TAF3: variants seen among roughly 807,000 people sequenced by gnomAD.
TAF3 encodes the protein transcription initiation factor TFIID subunit 3.
In TAF3, 7 loss-of-function variants were observed where a neutral mutation model predicts 80.6. That is an observed-to-expected ratio of 0.09 (90% CI 0.05 to 0.16). TAF3 has a LOEUF of 0.16. Among genes scored for constraint, TAF3 ranks in the 10% least tolerant of loss-of-function variants. The pLI is 1.00. For synonymous variants in TAF3, 444 were observed against 446.1 expected, an observed-to-expected ratio of 1.00 and a Z score of 0.06; for missense variants, 921 against 1,140.2, an observed-to-expected ratio of 0.81 and a Z score of 2.77.
intron 2 of TAF3, among the ~76,000 whole-genome samples, chr10:7,919,301 C>T (rs1837741321): frequency 1.3e-5 from 2 of 152,164 alleles, no homozygotes; most frequent in Admixed American, 1.3e-4. Flanking sequence ...GGGGCTTGGT[C>T]TCTTAAGCAG....
At chr10:7,880,840 G>C (rs1278366874) in intron 2 of TAF3, among the ~76,000 whole-genome samples, 2 of 152,072 alleles carry the variant, frequency 1.3e-5, no homozygotes, top group African/African-American at 4.8e-5. Flanking sequence ...ATATTTAAAC[G>C]ATATACCTAC....
chr10:7,847,799 G>C (rs545439206), intron 2 of TAF3, among the ~76,000 whole-genome samples: 1 of 151,866 alleles, frequency 6.6e-6, no homozygotes, highest in Non-Finnish European at 1.5e-5. Context: ...CAAGAGTTTC[G>C]CTCTGTCTTC....
At chr10:7,979,384 A>G (rs140644736) in intron 4 of TAF3, among the ~76,000 whole-genome samples, 40 of 150,248 alleles carry the variant, frequency 2.7e-4, no homozygotes, top group Non-Finnish European at 5.0e-4. Flanking sequence ...AAAGGCATTG[A>G]TAGTTATATT....
chr10:7,843,803 A>G (rs1836942585), intron 2 of TAF3, among the ~76,000 whole-genome samples: 1 of 152,022 alleles, frequency 6.6e-6, no homozygotes, highest in Non-Finnish European at 1.5e-5. Context: ...CATTTTCACT[A>G]CATATTATGT....
chr10:8,015,490 A>T lies in TAF3; in HGVS notation c.*739A>T, dbSNP rs1358926856. 1.3e-5 allele frequency: 2 copies of T among 152,064 alleles called. No individual in the cohort carries two copies. Among genetic ancestry groups the T allele is most frequent in the East Asian group, 3.8e-4 (2 of 5,200 alleles). The allele number at this position is 152,064 out of a possible 1,614,324, so 9.4% of individuals were successfully genotyped here. ...GTACATTTCATCAACTTGTATAAAA[A>T]CTCTTCAGACTAAAAGATTGCCCCT... On this transcript the variant is annotated 3_prime_UTR_variant, in exon 7 of 7. Coordinates refer to ENST00000344293, the MANE Select transcript of TAF3 (RefSeq NM_031923.4).
At chr10:7,842,176 GTTTTTTTTTTTTTTTGA>G (rs1836925102) in intron 2 of TAF3, among the ~76,000 whole-genome samples, 1 of 62,146 alleles carries the variant, frequency 1.6e-5, no homozygotes, top group Non-Finnish European at 3.3e-5. Flanking sequence ...TTTTTTTTTT[GTTTTTTTTTTTTTTTGA>G]GACAGAGTCT....
rs1832033311 is a variant in TAF3, at chr10:8,009,602, G to A, written c.2568+272G>A. Among the ~76,000 whole-genome samples the A allele has an allele frequency of 6.6e-6, 1 of 151,712 alleles. No individual in the cohort carries two copies. The highest frequency in any genetic ancestry group is 1.5e-5 in the Non-Finnish European group (1 of 67,936). Reference sequence around the variant, plus strand: ...GTTACAGGCCTGAGCCACTGCCCCTGGCCAGACACGTTTCTTTTTTTTTCT... The same window carrying A: ...GTTACAGGCCTGAGCCACTGCCCCTAGCCAGACACGTTTCTTTTTTTTTCT... On this transcript the variant is annotated intron_variant, in intron 5 of 6. Transcript: ENST00000344293. This position sits in a 1 kb window ranked among gnomAD's most constrained non-coding sequence, Gnocchi z 4.1.
chr10:7,972,490 T>G (rs1831630944), intron 3 of TAF3, among the ~76,000 whole-genome samples: 1 of 152,144 alleles, frequency 6.6e-6, no homozygotes, highest in Non-Finnish European at 1.5e-5. Flanking sequence ...AATTAATAGC[T>G]CCCTCTTTTC....
intron 2 of TAF3, among the ~76,000 whole-genome samples, chr10:7,855,400 A>T (rs951071949): frequency 6.6e-6 from 1 of 152,224 alleles, no homozygotes; most frequent in African/African-American, 2.4e-5. Flanking sequence ...TGGCATCCTG[A>T]AAACAAGGGG....
intron 2 of TAF3, among the ~76,000 whole-genome samples, chr10:7,886,241 T>G (rs957568130): frequency 6.6e-6 from 1 of 152,172 alleles, no homozygotes; most frequent in Non-Finnish European, 1.5e-5. Context: ...GTTGACACTT[T>G]GAGATGAGTC....
chr10:7,962,796 A>G (rs543064864), intron 2 of TAF3, among the ~76,000 whole-genome samples: 1 of 152,366 alleles, frequency 6.6e-6, no homozygotes, highest in Admixed American at 6.5e-5. Flanking sequence ...TGGGCTAGAC[A>G]TATCTGTTAT....
chr10:7,885,634 A>G (rs17143062), intron 2 of TAF3, among the ~76,000 whole-genome samples: 28,191 of 152,016 alleles, frequency 0.19, 2,835 homozygotes, highest in East Asian at 0.3. Flanking sequence ...ATATTCAATT[A>G]TCCATGTTTC....
intron 2 of TAF3, among the ~76,000 whole-genome samples, chr10:7,932,128 C>G (rs867455895): frequency 4.6e-5 from 7 of 152,126 alleles, no homozygotes; most frequent in African/African-American, 1.2e-4. Flanking sequence ...GGAGCATATT[C>G]AATACTGGGA....
intron 4 of TAF3, among the ~76,000 whole-genome samples, chr10:7,982,600 A>G (rs1831735947): frequency 6.6e-6 from 1 of 152,106 alleles, no homozygotes; most frequent in South Asian, 2.1e-4. Context: ...GGGTTTCACC[A>G]TGTTGCCCAG....
At chr10:7,985,541 C>T (rs1831767927) in intron 4 of TAF3, among the ~76,000 whole-genome samples, 1 of 152,174 alleles carries the variant, frequency 6.6e-6, no homozygotes, top group Non-Finnish European at 1.5e-5. Flanking sequence ...GTTTTACTTT[C>T]TTCTAATTGT....
chr10:7,827,779 C>CAAAAAAA (rs71515491), intron 2 of TAF3, among the ~76,000 whole-genome samples: 2 of 94,926 alleles, frequency 2.1e-5, no homozygotes, highest in Non-Finnish European at 2.2e-5. Flanking sequence ...GACTCTGTCT[C>CAAAAAAA]AAAAAAAAAA....
chr10:7,906,083 ATG>A (rs1476938398), intron 2 of TAF3, among the ~76,000 whole-genome samples: 17 of 152,252 alleles, frequency 1.1e-4, no homozygotes, highest in African/African-American at 4.1e-4. Flanking sequence ...ACTTGATGCT[ATG>A]AAAGGAGTTT....
chr10:7,873,621 C>T (rs1348307399), intron 2 of TAF3, among the ~76,000 whole-genome samples: 3 of 130,410 alleles, frequency 2.3e-5, no homozygotes, highest in Non-Finnish European at 5.1e-5. Flanking sequence ...GAGTTCTCCC[C>T]CCCCCCCCGT....
chr10:7,988,043 A>C (rs1206885111), intron 4 of TAF3, among the ~76,000 whole-genome samples: 2 of 152,176 alleles, frequency 1.3e-5, no homozygotes, highest in Non-Finnish European at 1.5e-5. Flanking sequence ...GGAACCTGGG[A>C]AATATTATGA....
Sources: allele counts gnomAD v4.1 joint callset (sites outside exome capture counted in the v4.1 genomes callset), GRCh38; gene constraint gnomAD v4.1.1; non-coding constraint Gnocchi (gnomAD v3.1); transcripts MANE v1.5; gene names NCBI Gene and HGNC (gene_info 2026-07-23, HGNC 2026-07-21).